The following MARCHF1 variants were observed in gnomAD, a reference collection of about 807,000 sequenced individuals.
The protein encoded by MARCHF1 is membrane associated ring-CH-type finger 1, also known as E3 ubiquitin-protein ligase MARCHF1.
A neutral mutation model predicts 54.2 loss-of-function variants in MARCHF1; 40 were observed. The ratio of observed to expected loss-of-function variants is 0.74; its 90% CI spans 0.57 to 0.96. The LOEUF (loss-of-function observed/expected upper bound fraction) is 0.96. Among genes scored for constraint, MARCHF1 ranks in the 40% least tolerant of loss-of-function variants. The probability of loss-of-function intolerance (pLI) is 0.00; values close to 1 mark genes in which losing one functional copy is unlikely to be tolerated. For synonymous variants in MARCHF1, 236 were observed against 236.3 expected (o/e 1.00, Z 0.01); for missense variants, 586 against 656.5 (o/e 0.89, Z 1.17).
intron 5 of MARCHF1, among the ~76,000 whole-genome samples, chr4:163,681,087 A>C (rs1463899107): frequency 6.6e-6 from 1 of 151,836 alleles, no homozygotes; most frequent in African/African-American, 2.4e-5. Flanking sequence ...AATGCTAACC[A>C]GATATTAAAG....
At chr4:163,956,788 T>C (rs1040448033) in intron 3 of MARCHF1, among the ~76,000 whole-genome samples, 4 of 152,162 alleles carry the variant, frequency 2.6e-5, no homozygotes, top group African/African-American at 9.6e-5. Flanking sequence ...AGATAGTATA[T>C]TTATCAATTT....
chr4:164,142,501 T>A (rs936324915), intron 1 of MARCHF1, among the ~76,000 whole-genome samples: 3 of 152,188 alleles, frequency 2.0e-5, no homozygotes, highest in African/African-American at 7.2e-5. Flanking sequence ...CCTCCTCAAG[T>A]GGGTCCCTGA....
intron 2 of MARCHF1, among the ~76,000 whole-genome samples, chr4:164,055,991 C>T (rs1754480925): frequency 6.6e-6 from 1 of 152,150 alleles, no homozygotes; most frequent in South Asian, 2.1e-4. Context: ...TTTCAAAGAG[C>T]TTTGCGATGT....
chr4:163,869,398 T>C (rs920862588), intron 3 of MARCHF1, among the ~76,000 whole-genome samples: 3 of 152,072 alleles, frequency 2.0e-5, no homozygotes, highest in Non-Finnish European at 4.4e-5. Context: ...TTTGCTCATA[T>C]GATGAGCAGA....
At chr4:164,081,217 A>AAAAAAT in intron 2 of MARCHF1, among the ~76,000 whole-genome samples, 1 of 139,636 alleles carries the variant, frequency 7.2e-6, no homozygotes, top group Non-Finnish European at 1.6e-5. Flanking sequence ...CAAAAAAAAA[A>AAAAAAT]AAAAAAAAAA....
At chr4:164,141,313 G>A (rs754412451) in intron 1 of MARCHF1, among the ~76,000 whole-genome samples, 1 of 152,140 alleles carries the variant, frequency 6.6e-6, no homozygotes, top group Non-Finnish European at 1.5e-5. Flanking sequence ...TCTTTTTAAT[G>A]TGATCAACCA....
At chr4:164,361,906 A>G (rs1730733035) in intron 1 of MARCHF1, among the ~76,000 whole-genome samples, 1 of 152,098 alleles carries the variant, frequency 6.6e-6, no homozygotes, top group Non-Finnish European at 1.5e-5. Flanking sequence ...AATTTTAATC[A>G]TGTATTTCTA....
Position 163,684,074 on chromosome 4 carries a change from A to G in MARCHF1, c.162+16739T>C, listed in dbSNP as rs886993572. 4.6e-5 allele frequency among the ~76,000 whole-genome samples: 7 copies of G among 152,226 alleles called. No individual in the cohort carries two copies. In the East Asian group the frequency reaches 1.2e-3, roughly 25 times the overall value. On this transcript the variant is annotated intron_variant, in intron 5 of 9. Coordinates refer to ENST00000514618, the MANE Select transcript of MARCHF1 (RefSeq NM_001394959.1). Reference sequence around the variant, plus strand: ...CTTTATGCCTCTCAAGGTATGTACCATGAAAGGCAAGAGTTGTATCACCAT... The same window carrying G: ...CTTTATGCCTCTCAAGGTATGTACCGTGAAAGGCAAGAGTTGTATCACCAT...
chr4:164,370,176 C>T (rs1370392530), intron 1 of MARCHF1, among the ~76,000 whole-genome samples: 2 of 152,172 alleles, frequency 1.3e-5, no homozygotes, highest in Admixed American at 1.3e-4. Context: ...CTTCCAATCT[C>T]AACAGAGTGT....
chr4:163,606,266 G>C (rs1173970788), intron 7 of MARCHF1, among the ~76,000 whole-genome samples: 2 of 151,916 alleles, frequency 1.3e-5, no homozygotes, highest in East Asian at 3.9e-4. Context: ...TCCCATTATT[G>C]TCTCCATGTT....
chr4:163,847,378 T>C (rs1244127242), intron 4 of MARCHF1, among the ~76,000 whole-genome samples: 1 of 152,100 alleles, frequency 6.6e-6, no homozygotes, highest in Non-Finnish European at 1.5e-5. Context: ...GCTGAAAATT[T>C]GACTTGCAAA....
At chr4:164,238,664 T>A (rs944237457) in intron 1 of MARCHF1, among the ~76,000 whole-genome samples, 1 of 151,902 alleles carries the variant, frequency 6.6e-6, no homozygotes, top group East Asian at 1.9e-4. Context: ...TAACATTGAA[T>A]CCAGAAAAAA....
chr4:164,338,358 A>G (rs868813745), intron 1 of MARCHF1, among the ~76,000 whole-genome samples: 2 of 152,162 alleles, frequency 1.3e-5, no homozygotes, highest in South Asian at 2.1e-4. Context: ...AAATGGTTTA[A>G]AAGAAAACAA....
chr4:163,997,380 A>T (rs1560854330), intron 2 of MARCHF1, among the ~76,000 whole-genome samples: 2 of 152,038 alleles, frequency 1.3e-5, no homozygotes, highest in South Asian at 4.1e-4. Context: ...AACATAGTCC[A>T]ACAGTTAGAG....
In MARCHF1 at chr4:164,019,221, T is replaced by C. The variant is rs79076639; in HGVS notation, c.-247-30512A>G. Among the ~76,000 whole-genome samples the C allele has an allele frequency of 1.9e-3, 288 of 152,318 alleles. 1 individual carries two copies. The highest frequency in any genetic ancestry group is 6.6e-3 in the African/African-American group (276 of 41,572). ...CTTTCCTCTTTAGCTATAACACCTG[T>C]TGAGTGGGTCTTCAATTGCGCTAGG... On this transcript the variant is annotated intron_variant, in intron 2 of 9. Transcript: ENST00000514618.
At chr4:163,959,354 CA>C (rs1403799866) in intron 3 of MARCHF1, among the ~76,000 whole-genome samples, 2 of 150,492 alleles carry the variant, frequency 1.3e-5, no homozygotes, top group Non-Finnish European at 3.0e-5. Flanking sequence ...AACAAAAAAA[CA>C]AAAAACACAA....
chr4:164,256,606 A>C (rs1308966001), intron 1 of MARCHF1, among the ~76,000 whole-genome samples: 1 of 152,118 alleles, frequency 6.6e-6, no homozygotes, highest in East Asian at 1.9e-4. Context: ...TGAAAAGGAG[A>C]CATGAACACA....
intron 1 of MARCHF1, among the ~76,000 whole-genome samples, chr4:164,334,196 C>A (rs1729665603): frequency 6.6e-6 from 1 of 152,128 alleles, no homozygotes; most frequent in Non-Finnish European, 1.5e-5. Context: ...GGTAGCTGCA[C>A]TAAACAACAG....
chr4:163,579,393 T>C (rs1018751048), intron 8 of MARCHF1, among the ~76,000 whole-genome samples: 8 of 152,222 alleles, frequency 5.3e-5, no homozygotes, highest in African/African-American at 1.9e-4. Context: ...TGAAATATTT[T>C]TCTTTTAATA....
Sources: allele counts gnomAD v4.1 joint callset (sites outside exome capture counted in the v4.1 genomes callset), GRCh38; gene constraint gnomAD v4.1.1; transcripts MANE v1.5; gene names NCBI Gene and HGNC (gene_info 2026-07-23, HGNC 2026-07-21).